TMEM178A: variants seen among roughly 807,000 people sequenced by gnomAD.
TMEM178A encodes transmembrane protein 178.
In TMEM178A, 12 loss-of-function variants were observed where a neutral mutation model predicts 29.1. The observed-to-expected ratio is 0.41, with a 90% CI of 0.26 to 0.67. The LOEUF (loss-of-function observed/expected upper bound fraction) is 0.67, where lower values mean the gene tolerates loss of function less well. TMEM178A is among the 30% of genes least tolerant of loss of function. The probability of loss-of-function intolerance (pLI) is 0.29; values close to 1 mark genes in which losing one functional copy is unlikely to be tolerated. For synonymous variants in TMEM178A, 210 were observed against 187.2 expected (o/e 1.12, Z -0.99); for missense variants, 366 against 419.1 (o/e 0.87, Z 1.11).
chr2:39,679,039 T>A (rs1364066205), intron 1 of TMEM178A, among the ~76,000 whole-genome samples: 2 of 152,338 alleles, frequency 1.3e-5, no homozygotes, highest in South Asian at 4.1e-4. Context: ...TCTCATTCCC[T>A]GCAGAATTAA....
chr2:39,701,501 T>G (rs1671780714), intron 1 of TMEM178A, among the ~76,000 whole-genome samples: 1 of 152,184 alleles, frequency 6.6e-6, no homozygotes, highest in Admixed American at 6.5e-5. Context: ...TTTCAACAGT[T>G]TGATTATGAT....
At chr2:39,725,306 C>T in the TMEM178A span, among the ~76,000 whole-genome samples, 1 of 152,118 alleles carries the variant, frequency 6.6e-6, no homozygotes, top group Non-Finnish European at 1.5e-5. Context: ...AGTACAATTT[C>T]ATTATTCTTT....
the TMEM178A span, among the ~76,000 whole-genome samples, chr2:39,724,920 C>A: frequency 2.0e-5 from 3 of 152,194 alleles, no homozygotes; most frequent in African/African-American, 7.2e-5. Context: ...GATGGTAAAT[C>A]GCTATCATGC....
At chr2:39,704,219 G>T in intron 2 of TMEM178A, 25 bp downstream of exon 2, 1 of 1,597,368 alleles carries the variant, frequency 6.3e-7, no homozygotes, top group South Asian at 1.1e-5. Context: ...GAGAGGTTCA[G>T]AGAGGAAATG....
intron 3 of TMEM178A, among the ~76,000 whole-genome samples, chr2:39,709,149 A>T (rs1186640519): frequency 2.0e-5 from 3 of 152,008 alleles, no homozygotes; most frequent in Non-Finnish European, 4.4e-5. Flanking sequence ...CTGTTTGCTG[A>T]CTGTCTGTCT....
At chr2:39,684,495 A>G (rs1163824361) in intron 1 of TMEM178A, among the ~76,000 whole-genome samples, 3 of 152,226 alleles carry the variant, frequency 2.0e-5, no homozygotes, top group South Asian at 2.1e-4. Flanking sequence ...ATTAAGCCAC[A>G]TAATTTTCCA....
chr2:39,707,908 G>A (rs1185253972), intron 3 of TMEM178A, among the ~76,000 whole-genome samples: 1 of 152,194 alleles, frequency 6.6e-6, no homozygotes, highest in Non-Finnish European at 1.5e-5. Context: ...TTCAAAGCAT[G>A]CTTTAGTGAT....
intron 3 of TMEM178A, among the ~76,000 whole-genome samples, chr2:39,708,118 G>A (rs1420664257): frequency 6.6e-6 from 1 of 152,200 alleles, no homozygotes; most frequent in East Asian, 1.9e-4. Flanking sequence ...AAGAAACAGG[G>A]TGAAACAGGG....
At chr2:39,702,749 T>C (rs532295984) in intron 1 of TMEM178A, among the ~76,000 whole-genome samples, 1 of 152,050 alleles carries the variant, frequency 6.6e-6, no homozygotes, top group South Asian at 2.1e-4. Flanking sequence ...AAAAAAAAGC[T>C]TCCAAAAATC....
At chr2:39,702,675 A>T (rs1157619373) in intron 1 of TMEM178A, among the ~76,000 whole-genome samples, 3 of 135,316 alleles carry the variant, frequency 2.2e-5, no homozygotes, top group Non-Finnish European at 3.1e-5. Context: ...AAAACAAATT[A>T]AAAAAAAAAA....
At chr2:39,715,483 C>A (rs1296867271) in intron 3 of TMEM178A, among the ~76,000 whole-genome samples, 1 of 151,854 alleles carries the variant, frequency 6.6e-6, no homozygotes, top group Non-Finnish European at 1.5e-5. Context: ...TTTTGAATGG[C>A]CCATTACTTT....
downstream of TMEM178A, among the ~76,000 whole-genome samples, chr2:39,720,413 G>C (rs1392691964): frequency 2.0e-5 from 3 of 152,148 alleles, no homozygotes; most frequent in African/African-American, 4.8e-5. Flanking sequence ...ACACTGCCTA[G>C]GCAACCACCC....
intron 1 of TMEM178A, among the ~76,000 whole-genome samples, chr2:39,672,989 C>T (rs1670468213): frequency 6.6e-6 from 1 of 152,166 alleles, no homozygotes; most frequent in Non-Finnish European, 1.5e-5. Context: ...AGGGTTTTCC[C>T]AACAGTTAGC....
chr2:39,726,294 T>A, the TMEM178A span, among the ~76,000 whole-genome samples: 1 of 152,160 alleles, frequency 6.6e-6, no homozygotes, highest in African/African-American at 2.4e-5. Flanking sequence ...AGAAAACATT[T>A]GCACAGAGAG....
intron 1 of TMEM178A, among the ~76,000 whole-genome samples, chr2:39,670,454 T>C (rs1670365786): frequency 6.6e-6 from 1 of 152,238 alleles, no homozygotes; most frequent in Non-Finnish European, 1.5e-5. Context: ...TGGATTATAT[T>C]ATAACTACTC....
In TMEM178A at chr2:39,666,359, AC is replaced by A; in HGVS notation, c.388del (p.Leu130SerfsTer3). The part of the protein sequence containing the change: ...YFLGIDRDID[T>X]LILKGIAQRC... The stretch of plus-strand genomic sequence containing the variant: ...CCTGGGCATCGACCGGGACATCGAC[AC>A]CCTCATCCTGAAAGGTGAGCGGCGG... On this transcript the variant is annotated frameshift_variant, in exon 1 of 4. Coordinates refer to ENST00000281961, the MANE Select transcript of TMEM178A (RefSeq NM_152390.3). LOFTEE classifies it high-confidence loss of function. 1 of 1,422,336 alleles carries A rather than the reference AC, an allele frequency of 7.0e-7. No homozygotes were observed. Among genetic ancestry groups the A allele is most frequent in the Non-Finnish European group, 9.2e-7 (1 of 1,085,070 alleles). 88.1% of individuals were successfully genotyped at this position (1,422,336 alleles called of 1,614,324 possible).
chr2:39,725,010 T>A, the TMEM178A span, among the ~76,000 whole-genome samples: 2 of 152,198 alleles, frequency 1.3e-5, no homozygotes, highest in Non-Finnish European at 2.9e-5. Context: ...AGATGACGCA[T>A]GTGATTAATA....
chr2:39,690,029 C>G (rs1476808590), intron 1 of TMEM178A, among the ~76,000 whole-genome samples: 1 of 152,214 alleles, frequency 6.6e-6, no homozygotes, highest in African/African-American at 2.4e-5. Context: ...CAGAGCCTCA[C>G]AGGACGTTGT....
intron 1 of TMEM178A, among the ~76,000 whole-genome samples, chr2:39,669,451 C>G (rs1454254146): frequency 6.6e-6 from 1 of 152,106 alleles, no homozygotes; most frequent in African/African-American, 2.4e-5. Context: ...TAATATTAGT[C>G]TACTTAAGAG....
Sources: gnomAD v4.1 joint callset for allele counts (sites outside exome capture counted in the v4.1 genomes callset) on GRCh38, gnomAD v4.1.1 for gene constraint, MANE v1.5 for transcripts, NCBI Gene and HGNC (gene_info 2026-07-23, HGNC 2026-07-21) for gene names.